Variants in CNTNAP2 observed in about 807,000 individuals in gnomAD.
CNTNAP2 encodes contactin associated protein 2.
Under a neutral mutation model 155.2 loss-of-function variants are expected in CNTNAP2, and 98 were observed. That is an observed-to-expected ratio of 0.63 (90% CI 0.54 to 0.75). CNTNAP2 has a LOEUF of 0.75. CNTNAP2 is among the 30% of genes least tolerant of loss of function. The probability of loss-of-function intolerance (pLI) is 0.00; values close to 1 mark genes in which losing one functional copy is unlikely to be tolerated. For missense variants in CNTNAP2, 1,727 were observed against 1,688.1 expected (o/e 1.02, Z -0.40); for synonymous variants, 651 against 631.2 (o/e 1.03, Z -0.47).
chr7:146,593,484 T>C (rs1323220189), intron 1 of CNTNAP2, among the ~76,000 whole-genome samples: 1 of 152,138 alleles, frequency 6.6e-6, no homozygotes, highest in Non-Finnish European at 1.5e-5. Context: ...TTCAGAACTC[T>C]ATTTTTGTGC....
rs142974171 is a variant in CNTNAP2 at position 147,949,906 on chromosome 7, G to C, written c.2256-27956G>C. On this transcript the variant is annotated intron_variant, in intron 14 of 23. Transcript: ENST00000361727. ...TCACAGCCCATAAGAAATAAGAAGA[G>C]GCTATGATTTGAATTGGTATTAATA... is the stretch of plus-strand genomic sequence containing the variant. Among the ~76,000 whole-genome samples, 1,273 of 152,260 alleles carry C rather than the reference G, an allele frequency of 8.4e-3. 18 individuals carry two copies. The highest frequency in any genetic ancestry group is 0.03 in the African/African-American group (1,234 of 41,552).
intron 15 of CNTNAP2, among the ~76,000 whole-genome samples, chr7:148,016,860 T>G (rs908849158): frequency 2.6e-5 from 4 of 152,174 alleles, no homozygotes; most frequent in Non-Finnish European, 4.4e-5. Flanking sequence ...TAGCATTCCT[T>G]CCCTTTCTTC....
intron 8 of CNTNAP2, among the ~76,000 whole-genome samples, chr7:147,155,648 A>T (rs1468219094): frequency 6.6e-6 from 1 of 152,208 alleles, no homozygotes; most frequent in Non-Finnish European, 1.5e-5. Context: ...TACACAATTA[A>T]GCATAATATA....
At chr7:146,411,228 C>T (rs1795860530) in intron 1 of CNTNAP2, among the ~76,000 whole-genome samples, 1 of 148,570 alleles carries the variant, frequency 6.7e-6, no homozygotes, top group Admixed American at 6.7e-5. Flanking sequence ...ACGATCTTGG[C>T]TCACTACAAC....
chr7:148,337,632 C>A (rs1798143390), intron 21 of CNTNAP2, among the ~76,000 whole-genome samples: 1 of 152,218 alleles, frequency 6.6e-6, no homozygotes, highest in Admixed American at 6.5e-5. Flanking sequence ...GCTTTGTTAC[C>A]AGCTACTTCT....
In CNTNAP2 at chr7:148,137,765, A is replaced by T. The variant is rs540526403; in HGVS notation, c.2555-9726A>T. 2.6e-5 allele frequency among the ~76,000 whole-genome samples: 4 copies of T among 152,082 alleles called. No individual in the cohort carries two copies. In the East Asian group the frequency reaches 7.7e-4, roughly 29 times the overall value. On this transcript the variant is annotated intron_variant, in intron 16 of 23. Transcript: ENST00000361727. ...CTCCTTTCCTCTCTAATGTCTCTCC[A>T]TTCCCATTTAAAGTCTCTGTTGATC...
At chr7:147,784,928 G>C (rs1454774348) in intron 13 of CNTNAP2, among the ~76,000 whole-genome samples, 2 of 151,974 alleles carry the variant, frequency 1.3e-5, no homozygotes, top group Non-Finnish European at 2.9e-5. Flanking sequence ...GAGGGCAGGG[G>C]AAACACCAGG....
intron 22 of CNTNAP2, among the ~76,000 whole-genome samples, chr7:148,393,161 CATTGGTTTTCTTT>C (rs1799390905): frequency 6.6e-6 from 1 of 151,988 alleles, no homozygotes; most frequent in Non-Finnish European, 1.5e-5. Flanking sequence ...ACAAGCTGAT[CATTGGTTTTCTTT>C]ACCACCTGCA....
chr7:147,407,689 A>G (rs1340580917), intron 10 of CNTNAP2, among the ~76,000 whole-genome samples: 2 of 152,148 alleles, frequency 1.3e-5, no homozygotes, highest in East Asian at 3.9e-4. Flanking sequence ...CATTCACAAG[A>G]AATGTTAAAA....
At chr7:147,830,411 A>ACCTACTTCCCCCCCAAAAGGC (rs1798529132) in intron 13 of CNTNAP2, among the ~76,000 whole-genome samples, 1 of 152,014 alleles carries the variant, frequency 6.6e-6, no homozygotes, top group Non-Finnish European at 1.5e-5. Context: ...GCATCTCATG[A>ACCTACTTCCCCCCCAAAAGGC]CCTACTTCCC....
intron 3 of CNTNAP2, among the ~76,000 whole-genome samples, chr7:147,013,757 A>G (rs1018875224): frequency 1.3e-5 from 2 of 152,110 alleles, no homozygotes; most frequent in Non-Finnish European, 2.9e-5. Flanking sequence ...AACTCTATCT[A>G]TACTTCTGCA....
chr7:146,833,441 T>C (rs974596756), intron 2 of CNTNAP2, among the ~76,000 whole-genome samples: 1 of 152,126 alleles, frequency 6.6e-6, no homozygotes, highest in Non-Finnish European at 1.5e-5. Flanking sequence ...TTTTGGGACT[T>C]TCTCTACTCA....
chr7:147,477,683 T>C (rs967419183), intron 10 of CNTNAP2, among the ~76,000 whole-genome samples: 2 of 152,226 alleles, frequency 1.3e-5, no homozygotes, highest in African/African-American at 4.8e-5. Context: ...TATATCTCCG[T>C]GGTGCATCTC....
In CNTNAP2 at chr7:148,062,026, A is replaced by AGT. The variant is rs1429526235; in HGVS notation, c.2384-56091_2384-56090insTG. Among the ~76,000 whole-genome samples, 138 of 132,042 alleles carry AGT rather than the reference A, an allele frequency of 1.0e-3. 4 individuals are homozygous for AGT. Among genetic ancestry groups the AGT allele is most frequent in the African/African-American group, 2.8e-3 (95 of 34,072 alleles). The allele number at this position is 132,042 out of a possible 152,430, so 86.6% of individuals were successfully genotyped here. A position where few individuals can be genotyped will look rare whatever the true frequency, so the allele number is the denominator to read the frequency against. ...AGATAGATGATAGAGAGAGAGAGAG[A>AGT]GAGTGTGTGTGTGTGTGTGTGTGTG... On this transcript the variant is annotated intron_variant, in intron 15 of 23. Transcript: ENST00000361727.
chr7:147,594,739 T>A (rs1800797596), intron 12 of CNTNAP2, among the ~76,000 whole-genome samples: 1 of 152,116 alleles, frequency 6.6e-6, no homozygotes, highest in African/African-American at 2.4e-5. Context: ...AAGGGAAGAA[T>A]TTTTCCTGAA....
At chr7:146,929,434 T>C (rs898899347) in intron 3 of CNTNAP2, among the ~76,000 whole-genome samples, 1 of 152,094 alleles carries the variant, frequency 6.6e-6, no homozygotes, top group Admixed American at 6.6e-5. Flanking sequence ...CAAAAACCCA[T>C]CTGTACATCA....
intron 5 of CNTNAP2, among the ~76,000 whole-genome samples, chr7:147,114,103 T>C (rs1018326427): frequency 2.0e-5 from 3 of 152,210 alleles, no homozygotes; most frequent in Non-Finnish European, 4.4e-5. Flanking sequence ...GGTTGTTCAC[T>C]TTCCATGTAG....
At chr7:147,910,516 G>C (rs1228907858) in intron 14 of CNTNAP2, among the ~76,000 whole-genome samples, 1 of 151,894 alleles carries the variant, frequency 6.6e-6, no homozygotes, top group Non-Finnish European at 1.5e-5. Context: ...TACACACCAA[G>C]ACTGTATTAG....
chr7:147,037,428 C>T (rs539310049), intron 3 of CNTNAP2, among the ~76,000 whole-genome samples: 2 of 144,462 alleles, frequency 1.4e-5, no homozygotes, highest in African/African-American at 2.6e-5. Flanking sequence ...ACTAGGTATT[C>T]GACATCCAGT....
Sources: allele counts gnomAD v4.1 joint callset (sites outside exome capture counted in the v4.1 genomes callset), GRCh38; gene constraint gnomAD v4.1.1; transcripts MANE v1.5; gene names NCBI Gene and HGNC (gene_info 2026-07-23, HGNC 2026-07-21).